Variants in MRPS14 observed in about 807,000 individuals in gnomAD.
MRPS14 encodes the protein mitochondrial ribosomal protein S14.
In MRPS14, 14 loss-of-function variants were observed where a neutral mutation model predicts 16.4. The observed-to-expected ratio is 0.85, with a 90% CI of 0.56 to 1.33. The LOEUF is 1.33. MRPS14 is among the 40% of genes most tolerant of loss of function. The pLI, the probability that MRPS14 is intolerant of heterozygous loss-of-function variation, is 0.00. For synonymous variants in MRPS14, 54 were observed against 61.9 expected, an observed-to-expected ratio of 0.87 and a Z score of 0.60; for missense variants, 162 against 176.8, an observed-to-expected ratio of 0.92 and a Z score of 0.48.
At chr1:175,019,201 T>C (rs1204219955) in intron 1 of MRPS14, among the ~76,000 whole-genome samples, 1 of 152,232 alleles carries the variant, frequency 6.6e-6, no homozygotes. Flanking sequence ...CTATTTATTA[T>C]TATAAACAAT....
chr1:175,015,882 T>C (rs1672872971), intron 2 of MRPS14, among the ~76,000 whole-genome samples: 1 of 152,190 alleles, frequency 6.6e-6, no homozygotes, highest in Non-Finnish European at 1.5e-5. Context: ...GTGTTACCAT[T>C]ATGAACTAAC....
Position 175,013,327 on chromosome 1 carries a change from T to A in MRPS14, c.*1342A>T, listed in dbSNP as rs1672815637. ...TATCTTCTGTTTCCCCTAAATTTGTTCTTTTTCCAAATTTTCTATCTTGGA... is the reference window on the plus strand; with the variant it reads ...TATCTTCTGTTTCCCCTAAATTTGTACTTTTTCCAAATTTTCTATCTTGGA... On this transcript the variant is annotated 3_prime_UTR_variant, in exon 3 of 3. Transcript: ENST00000476371. 1 of 152,204 alleles carries A rather than the reference T, an allele frequency of 6.6e-6. No individual in the cohort carries two copies. Among genetic ancestry groups the A allele is most frequent in the Non-Finnish European group, 1.5e-5 (1 of 68,044 alleles). 9.4% of individuals were successfully genotyped at this position (152,204 alleles called of 1,614,324 possible). A position where few individuals can be genotyped will look rare whatever the true frequency, so the allele number is the denominator to read the frequency against.
At chr1:175,016,482 A>C (rs548803925) in intron 2 of MRPS14, among the ~76,000 whole-genome samples, 1 of 152,314 alleles carries the variant, frequency 6.6e-6, no homozygotes, top group African/African-American at 2.4e-5. Context: ...GCATGCTGTG[A>C]AATTAGAACT....
In MRPS14 at chr1:175,018,358, G is replaced by A. The variant is rs1472979157; in HGVS notation, c.204+60C>T. ...CAAGTCACAACAAACAGTATCAAAAGTGATCTGATGTTGAGTTAATGATCT... is the reference window on the plus strand; with the variant it reads ...CAAGTCACAACAAACAGTATCAAAAATGATCTGATGTTGAGTTAATGATCT... On this transcript the variant is annotated intron_variant, in intron 2 of 2. Transcript: ENST00000476371. The A allele has an allele frequency of 1.0e-5, 15 of 1,446,970 alleles. No individual in the cohort carries two copies. In the East Asian group the frequency reaches 3.5e-4, roughly 34 times the overall value. The allele number at this position is 1,446,970 out of a possible 1,614,324, so 89.6% of individuals were successfully genotyped here.
At chr1:175,017,683 A>C (rs544850777) in intron 2 of MRPS14, among the ~76,000 whole-genome samples, 1 of 152,136 alleles carries the variant, frequency 6.6e-6, no homozygotes, top group Admixed American at 6.5e-5. Context: ...AGTAAGCCTT[A>C]ATGGAAAGGC....
In MRPS14 at chr1:175,018,658, G is replaced by A. The variant is rs921292984; in HGVS notation, c.46-82C>T. ...TCCTCAACCCTGCAATTCTCTTTCT[G>A]CCACTATTTATCATTTAGTATTCTT... On this transcript the variant is annotated intron_variant, in intron 1 of 2. Transcript: ENST00000476371. 4.0e-6 allele frequency: 5 copies of A among 1,256,136 alleles called. No homozygotes were observed. In the East Asian group the frequency reaches 9.9e-5, roughly 25 times the overall value. 77.8% of individuals were successfully genotyped at this position (1,256,136 alleles called of 1,614,324 possible).
chr1:175,018,330 T>A, intron 2 of MRPS14, 88 bp downstream of exon 2: 1 of 1,225,590 alleles, frequency 8.2e-7, no homozygotes, highest in Non-Finnish European at 1.1e-6. Context: ...ATTATATTGA[T>A]ACCAAGTCAC....
At chr1:175,018,674 T>C in intron 1 of MRPS14, 98 bp from the exon 2 acceptor site, 3 of 1,137,608 alleles carry the variant, frequency 2.6e-6, no homozygotes, top group Non-Finnish European at 3.7e-6. Context: ...ATTTATCATT[T>C]AGTATTCTTT....
chr1:175,021,865 A>G (rs1359321253), intron 1 of MRPS14, among the ~76,000 whole-genome samples: 1 of 152,214 alleles, frequency 6.6e-6, no homozygotes, highest in Non-Finnish European at 1.5e-5. Flanking sequence ...AAATCAAAAG[A>G]GCATTTCTAT....
Position 175,018,404 on chromosome 1 carries a change from C to G in MRPS14, c.204+14G>C. ...GATCTTGTGGTACAAAGGGACTCATCTTAATTAGCTAACCTGAAGAATTTT... is the reference window on the plus strand; with the variant it reads ...GATCTTGTGGTACAAAGGGACTCATGTTAATTAGCTAACCTGAAGAATTTT... On this transcript the variant is annotated intron_variant, in intron 2 of 2. Transcript: ENST00000476371. The G allele has an allele frequency of 6.3e-7, 1 of 1,582,962 alleles. No individual in the cohort carries two copies. The highest frequency in any genetic ancestry group is 8.6e-7 in the Non-Finnish European group (1 of 1,166,592).
intron 1 of MRPS14, 127 bp downstream of exon 1, chr1:175,023,237 G>A: frequency 6.5e-7 from 1 of 1,550,378 alleles, no homozygotes; most frequent in Non-Finnish European, 8.7e-7. Context: ...AAGCGCGGAA[G>A]AGGGCGGAAG....
chr1:175,019,025 T>C (rs1672932770), intron 1 of MRPS14, among the ~76,000 whole-genome samples: 1 of 152,168 alleles, frequency 6.6e-6, no homozygotes, highest in African/African-American at 2.4e-5. Context: ...TTTTTGTCTG[T>C]ATACACTCCC....
At chr1:175,022,987 C>T (rs1673007509) in intron 1 of MRPS14, among the ~76,000 whole-genome samples, 1 of 152,082 alleles carries the variant, frequency 6.6e-6, no homozygotes, top group African/African-American at 2.4e-5. Flanking sequence ...CTTTGCTTCC[C>T]GGCCATCCCA....
At chr1:175,015,240 C>T (rs971048355) in intron 2 of MRPS14, among the ~76,000 whole-genome samples, 4 of 152,132 alleles carry the variant, frequency 2.6e-5, no homozygotes, top group Admixed American at 6.6e-5. Flanking sequence ...TGAGCCACAG[C>T]GCCTGGCCAC....
At chr1:175,018,056 G>A (rs1021766126) in intron 2 of MRPS14, among the ~76,000 whole-genome samples, 1 of 152,038 alleles carries the variant, frequency 6.6e-6, no homozygotes, top group African/African-American at 2.4e-5. Flanking sequence ...CCTGGGAGGC[G>A]GAGGTTGTGG....
chr1:175,018,394 A>G (rs772927655), intron 2 of MRPS14, 24 bp downstream of exon 2: 1 of 1,571,334 alleles, frequency 6.4e-7, no homozygotes, highest in Non-Finnish European at 8.6e-7. Flanking sequence ...TGTGGTACAA[A>G]GGGACTCATC....
chr1:175,018,827 G>GA (rs1483169005), intron 1 of MRPS14, among the ~76,000 whole-genome samples: 1 of 152,166 alleles, frequency 6.6e-6, no homozygotes, highest in Non-Finnish European at 1.5e-5. Flanking sequence ...GTGAAAGACA[G>GA]ATTTTCAGAA....
intron 2 of MRPS14, 87 bp from the exon 3 acceptor site, chr1:175,014,938 C>CTTT (rs1171275241): frequency 9.3e-5 from 58 of 625,842 alleles, no homozygotes; most frequent in Admixed American, 2.2e-4. Context: ...ATTTTCTTTT[C>CTTT]TTTTTTTTTT....
At chr1:175,015,355 CTT>C (rs1672862667) in intron 2 of MRPS14, among the ~76,000 whole-genome samples, 1 of 152,142 alleles carries the variant, frequency 6.6e-6, no homozygotes, top group Admixed American at 6.6e-5. Context: ...GCTACATACT[CTT>C]GTTTAACTCA....
Sources: gnomAD v4.1 joint callset for allele counts (sites outside exome capture counted in the v4.1 genomes callset) on GRCh38, gnomAD v4.1.1 for gene constraint, MANE v1.5 for transcripts, NCBI Gene and HGNC (gene_info 2026-07-23, HGNC 2026-07-21) for gene names.